TLR6: variants seen among roughly 807,000 people sequenced by gnomAD.
The protein encoded by TLR6 is toll-like receptor 6.
Under a neutral mutation model 16.1 loss-of-function variants are expected in TLR6, and 9 were observed. That is an observed-to-expected ratio of 0.56 (90% CI 0.34 to 0.98). The LOEUF (loss-of-function observed/expected upper bound fraction) is 0.98, where lower values mean the gene tolerates loss of function less well. TLR6 is among the 50% of genes least tolerant of loss of function. The probability of loss-of-function intolerance (pLI) is 0.02; values close to 1 mark genes in which losing one functional copy is unlikely to be tolerated. For synonymous variants in TLR6, 340 were observed against 338.6 expected, an observed-to-expected ratio of 1.00 and a Z score of -0.04; for missense variants, 786 against 921.0, an observed-to-expected ratio of 0.85 and a Z score of 1.90.
exon 2 of TLR6, chr4:38,824,734 A>T (rs1727466762): frequency 6.6e-6 from 1 of 152,258 alleles, no homozygotes; most frequent in African/African-American, 2.4e-5. Flanking sequence ...TGCAGACAGA[A>T]GATGATGCTA....
exon 2 of TLR6, chr4:38,827,414 T>C: frequency 6.2e-7 from 1 of 1,614,236 alleles, no homozygotes; most frequent in Non-Finnish European, 8.5e-7. Flanking sequence ...GTTGATGATA[T>C]TTTCCACAAT....
rs370178114 is a variant in TLR6 at position 38,853,254 on chromosome 4, A to T, written c.-65+3507T>A. ...GTGGGGTGGGGGGAGGGGGGAGGGA[A>T]AGCATTAGGAGATATACGTAATGTA... On this transcript the variant is annotated intron_variant, in intron 1 of 1. Transcript: ENST00000436693. Among the ~76,000 whole-genome samples, 23 of 143,828 alleles carry T rather than the reference A, an allele frequency of 1.6e-4. No homozygotes were observed. The East Asian group carries it at 2.7e-3, about 17-fold the overall frequency. The allele number at this position is 143,828 out of a possible 152,430, so 94.4% of individuals were successfully genotyped here. A position where few individuals can be genotyped will look rare whatever the true frequency, so the allele number is the denominator to read the frequency against.
chr4:38,851,365 T>C (rs181191862), intron 1 of TLR6, among the ~76,000 whole-genome samples: 1 of 152,110 alleles, frequency 6.6e-6, no homozygotes, highest in Non-Finnish European at 1.5e-5. Flanking sequence ...ATATTCAACA[T>C]AGTGTTGGAA....
exon 2 of TLR6, chr4:38,827,857 T>C: frequency 1.2e-6 from 2 of 1,614,252 alleles, no homozygotes; most frequent in Non-Finnish European, 1.7e-6. Flanking sequence ...TTTTGACAAA[T>C]TCTCTTAGCT....
rs55704272 is a variant in TLR6 at position 38,829,530 on chromosome 4, T to A, written c.-57A>T. On this transcript the variant is annotated 5_prime_UTR_variant, in exon 2 of 2. Transcript: ENST00000436693. ...CTTCTTCAGAGCATCTTGATATGAG[T>A]CCAAATTCTAGAAATATAATATACA... The A allele has an allele frequency of 1.9e-4, 192 of 1,032,240 alleles. 1 individual carries two copies. In the East Asian group the frequency reaches 4.1e-3, roughly 22 times the overall value. 63.9% of individuals were successfully genotyped at this position (1,032,240 alleles called of 1,614,324 possible). A position where few individuals can be genotyped will look rare whatever the true frequency, so the allele number is the denominator to read the frequency against.
chr4:38,836,407 CA>C (rs1311562529), intron 1 of TLR6, among the ~76,000 whole-genome samples: 2 of 152,088 alleles, frequency 1.3e-5, no homozygotes, highest in Non-Finnish European at 2.9e-5. Flanking sequence ...TGGATATATA[CA>C]ACCTACCAAA....
intron 1 of TLR6, among the ~76,000 whole-genome samples, chr4:38,848,985 G>A (rs374071582): frequency 2.0e-4 from 31 of 152,210 alleles, no homozygotes; most frequent in South Asian, 8.3e-4. Context: ...TGTCAGATTC[G>A]CCAAAGTTGA....
downstream of TLR6, among the ~76,000 whole-genome samples, chr4:38,823,134 C>G (rs1341760538): frequency 6.6e-6 from 1 of 152,194 alleles, no homozygotes; most frequent in South Asian, 2.1e-4. Context: ...CCCACTGGGT[C>G]CCTCCCACAA....
At chr4:38,851,994 A>G (rs2109470842) in intron 1 of TLR6, among the ~76,000 whole-genome samples, 1 of 152,356 alleles carries the variant, frequency 6.6e-6, no homozygotes, top group South Asian at 2.1e-4. Context: ...ACAAGGCTAC[A>G]GTAACCAAAA....
chr4:38,850,034 A>G (rs112690141), intron 1 of TLR6, among the ~76,000 whole-genome samples: 32,570 of 152,220 alleles, frequency 0.21, 4,208 homozygotes, highest in Non-Finnish European at 0.28. Context: ...ACTGTCTCTC[A>G]GACCATGGTG....
the TLR6 span, chr4:38,868,162 G>A: frequency 4.4e-6 from 1 of 228,668 alleles, no homozygotes; most frequent in Non-Finnish European, 9.5e-6. Context: ...CCTCCGCGGA[G>A]CCTGCCTGGA....
chr4:38,854,553 G>A (rs563811737), intron 1 of TLR6, among the ~76,000 whole-genome samples: 1 of 151,710 alleles, frequency 6.6e-6, no homozygotes, highest in Non-Finnish European at 1.5e-5. Flanking sequence ...CTATCAAATA[G>A]GGAAAATTAA....
upstream of TLR6, among the ~76,000 whole-genome samples, chr4:38,860,035 G>A (rs1388562152): frequency 6.6e-6 from 1 of 151,964 alleles, no homozygotes; most frequent in Admixed American, 6.6e-5. Context: ...ACATTATTTT[G>A]ATGACTTTTA....
intron 1 of TLR6, among the ~76,000 whole-genome samples, chr4:38,839,742 T>C (rs1712155556): frequency 6.6e-6 from 1 of 152,220 alleles, no homozygotes; most frequent in Non-Finnish European, 1.5e-5. Flanking sequence ...ATTGTAACAA[T>C]GATCCCTGAC....
At chr4:38,856,274 T>A (rs7673124) in intron 1 of TLR6, among the ~76,000 whole-genome samples, 32,461 of 152,168 alleles carry the variant, frequency 0.21, 4,194 homozygotes, top group Non-Finnish European at 0.28. Flanking sequence ...CTGACATAAT[T>A]CCTGCTTTCA....
At chr4:38,833,299 C>T (rs755248419) in intron 1 of TLR6, among the ~76,000 whole-genome samples, 13 of 152,208 alleles carry the variant, frequency 8.5e-5, no homozygotes, top group Admixed American at 7.2e-4. Context: ...GCCTGAGAAC[C>T]GGCAAGCCTA....
chr4:38,848,066 G>T (rs186548848), intron 1 of TLR6, among the ~76,000 whole-genome samples: 2,503 of 152,286 alleles, frequency 0.016, 34 homozygotes, highest in Non-Finnish European at 0.025. Flanking sequence ...ACATGGCCAG[G>T]TACCCCTCTG....
chr4:38,852,011 G>A (rs1439599033), intron 1 of TLR6, among the ~76,000 whole-genome samples: 1 of 152,084 alleles, frequency 6.6e-6, no homozygotes, highest in Non-Finnish European at 1.5e-5. Flanking sequence ...AAAACAGCAT[G>A]GTACTGGTAC....
rs547569879 is a variant in TLR6 at position 38,843,704 on chromosome 4, A to G, written c.-65+13057T>C. The G allele has an allele frequency of 2.0e-5, 3 of 152,326 alleles. No individual in the cohort carries two copies. The South Asian group carries it at 6.2e-4, about 32-fold the overall frequency. The allele number at this position is 152,326 out of a possible 1,614,324, so 9.4% of individuals were successfully genotyped here. On this transcript the variant is annotated intron_variant, in intron 1 of 1. Coordinates refer to ENST00000436693, the Ensembl canonical transcript of TLR6. ...TATTACTGAATGGCGTATGGTTAAA[A>G]GCTCTTCACTGATCCATATAACTTC... is the stretch of plus-strand genomic sequence containing the variant.
Sources: gnomAD v4.1 joint callset for allele counts (sites outside exome capture counted in the v4.1 genomes callset) on GRCh38, gnomAD v4.1.1 for gene constraint, MANE v1.5 for transcripts, NCBI Gene and HGNC (gene_info 2026-07-23, HGNC 2026-07-21) for gene names.